EVC2: variants seen among roughly 807,000 people sequenced by gnomAD.
EVC2 encodes EvC ciliary complex subunit 2.
EVC2 carries 148 observed loss-of-function variants against 149.3 expected under a neutral mutation model. The ratio of observed to expected loss-of-function variants is 0.99; its 90% CI spans 0.87 to 1.14. The LOEUF (loss-of-function observed/expected upper bound fraction) is 1.14, where lower values mean the gene tolerates loss of function less well. EVC2 is among the 50% of genes most tolerant of loss of function. EVC2 has a pLI of 0.00. For synonymous variants in EVC2, 776 were observed against 649.9 expected (o/e 1.19, Z -2.95); for missense variants, 1,854 against 1,627.3 (o/e 1.14, Z -2.40).
At chr4:5,564,952 G>A (rs914380715) in intron 21 of EVC2, among the ~76,000 whole-genome samples, 2 of 152,088 alleles carry the variant, frequency 1.3e-5, no homozygotes, top group Non-Finnish European at 2.9e-5. Flanking sequence ...GACATGAAAG[G>A]GCTTTGTGAA....
At chr4:5,556,649 G>A (rs1161918307) in intron 21 of EVC2, among the ~76,000 whole-genome samples, 1 of 152,002 alleles carries the variant, frequency 6.6e-6, no homozygotes, top group Non-Finnish European at 1.5e-5. Flanking sequence ...CCAGAAGCTG[G>A]TTCTCTGAAA....
At chr4:5,606,989 T>TC (rs1714445911) in intron 16 of EVC2, among the ~76,000 whole-genome samples, 1 of 152,102 alleles carries the variant, frequency 6.6e-6, no homozygotes, top group South Asian at 2.1e-4. Flanking sequence ...CATACAGAAG[T>TC]CCGGAAAGGC....
At chr4:5,534,410 G>C in the EVC2 span, among the ~76,000 whole-genome samples, 19 of 152,206 alleles carry the variant, frequency 1.2e-4, no homozygotes, top group Admixed American at 3.3e-4. Context: ...TGAAAACAGA[G>C]GCATCATATA....
intron 9 of EVC2, among the ~76,000 whole-genome samples, chr4:5,645,625 G>T (rs1577201493): frequency 6.6e-6 from 1 of 152,270 alleles, no homozygotes; most frequent in East Asian, 1.9e-4. Context: ...GTATTCCATG[G>T]TGTATATGTA....
At chr4:5,659,749 T>C (rs1718761187) in intron 9 of EVC2, among the ~76,000 whole-genome samples, 2 of 152,210 alleles carry the variant, frequency 1.3e-5, no homozygotes, top group African/African-American at 2.4e-5. Flanking sequence ...TCATATAATG[T>C]AGGGATAAAG....
chr4:5,546,351 T>C (rs2108757156), intron 21 of EVC2, among the ~76,000 whole-genome samples: 1 of 152,310 alleles, frequency 6.6e-6, no homozygotes, highest in Non-Finnish European at 1.5e-5. Flanking sequence ...TAAGGAAACG[T>C]GGCACATATA....
chr4:5,587,224 C>A (rs571491099), intron 16 of EVC2, among the ~76,000 whole-genome samples: 2 of 152,280 alleles, frequency 1.3e-5, no homozygotes, highest in East Asian at 1.9e-4. Context: ...TTTCACCACC[C>A]CTAAAGCAAA....
At chr4:5,656,673 G>C (rs11727115) in intron 9 of EVC2, among the ~76,000 whole-genome samples, 70,013 of 152,006 alleles carry the variant, frequency 0.46, 16,684 homozygotes, top group East Asian at 0.55. Flanking sequence ...GGAAGCCCCA[G>C]AAGCTGGAAG....
At chr4:5,533,433 G>A in the EVC2 span, among the ~76,000 whole-genome samples, 4 of 152,158 alleles carry the variant, frequency 2.6e-5, no homozygotes, top group South Asian at 2.1e-4. Context: ...AGGAGAGGTC[G>A]GGCAAGGAAT....
At chr4:5,554,550 G>C (rs1043032638) in intron 21 of EVC2, among the ~76,000 whole-genome samples, 3 of 152,210 alleles carry the variant, frequency 2.0e-5, no homozygotes, top group Non-Finnish European at 2.9e-5. Flanking sequence ...CAAGCATTGT[G>C]TAAGTCTGAA....
chr4:5,623,042 G>C, intron 13 of EVC2, 51 bp from the exon 14 acceptor site: 1 of 1,563,102 alleles, frequency 6.4e-7, no homozygotes. Context: ...GGCGGGTACA[G>C]TCCTTTGGCT....
At chr4:5,555,574 T>C (rs879698125) in intron 21 of EVC2, among the ~76,000 whole-genome samples, 3 of 152,096 alleles carry the variant, frequency 2.0e-5, no homozygotes, top group African/African-American at 4.8e-5. Flanking sequence ...GGAATACATA[T>C]GGTAAAGGGA....
intron 16 of EVC2, among the ~76,000 whole-genome samples, chr4:5,609,215 C>T (rs1453373405): frequency 6.6e-6 from 1 of 152,154 alleles, no homozygotes; most frequent in African/African-American, 2.4e-5. Context: ...CCTCTTACCT[C>T]CCTATCTATG....
In EVC2 at chr4:5,615,560, G is replaced by A. The variant is rs1382801633; in HGVS notation, c.2707-16C>T. ...TGGACTGTTGCTGGAGAGGGGTTGG[G>A]GAAGACGTGGGTAAGAAGGCAATCA... On this transcript the variant is annotated splice_polypyrimidine_tract_variant and intron_variant, in intron 15 of 21. Coordinates refer to ENST00000344408, the MANE Select transcript of EVC2 (RefSeq NM_147127.5). The A allele has an allele frequency of 4.3e-6, 7 of 1,614,134 alleles. No homozygotes were observed. The highest frequency in any genetic ancestry group is 1.3e-5 in the African/African-American group (1 of 75,038).
chr4:5,651,142 G>C (rs1489138347), intron 9 of EVC2, among the ~76,000 whole-genome samples: 2 of 152,122 alleles, frequency 1.3e-5, no homozygotes, highest in Admixed American at 6.5e-5. Context: ...TGAATGAATG[G>C]ATGATGGATG....
Position 5,686,978 on chromosome 4 carries a change from C to T in EVC2, c.707-1499G>A, listed in dbSNP as rs926886880. Among the ~76,000 whole-genome samples the T allele has an allele frequency of 3.3e-5, 5 of 152,028 alleles. No individual in the cohort carries two copies. The highest frequency in any genetic ancestry group is 7.2e-5 in the African/African-American group (3 of 41,390). ...GAATAAAAATAACAACAACAGTGGCCGGGCATGGTGGCTCACGCCTGTAAT... is the reference window on the plus strand; with the variant it reads ...GAATAAAAATAACAACAACAGTGGCTGGGCATGGTGGCTCACGCCTGTAAT... On this transcript the variant is annotated intron_variant, in intron 5 of 21. Coordinates refer to ENST00000344408, the MANE Select transcript of EVC2 (RefSeq NM_147127.5). This position sits in a 1 kb window ranked among gnomAD's most constrained non-coding sequence, Gnocchi z 5.4.
At chr4:5,646,545 G>T (rs750954795) in intron 9 of EVC2, among the ~76,000 whole-genome samples, 53 of 152,116 alleles carry the variant, frequency 3.5e-4, no homozygotes, top group Non-Finnish European at 6.8e-4. Context: ...CTTCAAAAAA[G>T]AACTTTCATC....
In EVC2 at chr4:5,691,263, A is replaced by G. The variant is rs1721102486; in HGVS notation, c.519+2T>C. ...AAATATACACCACCAGTGGAAACTTACCAGTGCACATTTCTGAAAAATTAC... is the reference window on the plus strand; with the variant it reads ...AAATATACACCACCAGTGGAAACTTGCCAGTGCACATTTCTGAAAAATTAC... On this transcript the variant is annotated splice_donor_variant, in intron 4 of 21. Transcript: ENST00000344408. LOFTEE classifies it high-confidence loss of function. 1 of 1,612,974 alleles carries G rather than the reference A, an allele frequency of 6.2e-7. No individual in the cohort carries two copies. Among genetic ancestry groups the G allele is most frequent in the African/African-American group, 1.3e-5 (1 of 75,042 alleles).
At chr4:5,584,207 T>C (rs997990306) in intron 17 of EVC2, among the ~76,000 whole-genome samples, 5 of 152,224 alleles carry the variant, frequency 3.3e-5, no homozygotes, top group African/African-American at 7.2e-5. Context: ...TTTACGGATA[T>C]ACCTCTCACA....
Sources: gnomAD v4.1 joint callset for allele counts (sites outside exome capture counted in the v4.1 genomes callset) on GRCh38, gnomAD v4.1.1 for gene constraint, Gnocchi (gnomAD v3.1) non-coding constraint, MANE v1.5 for transcripts, NCBI Gene and HGNC (gene_info 2026-07-23, HGNC 2026-07-21) for gene names.